Variants in IL23R observed in about 807,000 individuals in gnomAD.
IL23R encodes interleukin 23 receptor.
IL23R carries 34 observed loss-of-function variants against 56.9 expected under a neutral mutation model. The ratio of observed to expected loss-of-function variants is 0.60; its 90% confidence interval spans 0.45 to 0.80. IL23R has a LOEUF of 0.80. IL23R is among the 30% of genes least tolerant of loss of function. The pLI, the probability that IL23R is intolerant of heterozygous loss-of-function variation, is 0.00. For missense variants in IL23R, 635 were observed against 730.0 expected (o/e 0.87, Z 1.50); for synonymous variants, 230 against 249.2 (o/e 0.92, Z 0.73).
At chr1:67,252,265 A>G (rs1177150958) in intron 9 of IL23R, among the ~76,000 whole-genome samples, 20 of 152,012 alleles carry the variant, frequency 1.3e-4, no homozygotes, top group Admixed American at 1.2e-3. Context: ...GAAAAATGAA[A>G]CAAAGGTGTA....
the IL23R span, among the ~76,000 whole-genome samples, chr1:67,265,657 A>G: frequency 2.0e-5 from 3 of 152,192 alleles, no homozygotes; most frequent in Non-Finnish European, 4.4e-5. Flanking sequence ...ATGTTTATAC[A>G]CATATAAGAA....
At chr1:67,214,923 C>A (rs913561482) in intron 6 of IL23R, among the ~76,000 whole-genome samples, 1 of 152,192 alleles carries the variant, frequency 6.6e-6, no homozygotes, top group African/African-American at 2.4e-5. Context: ...ACTTAGAAAG[C>A]GATGTTATTC....
At chr1:67,207,102 A>G in intron 6 of IL23R, 47 bp downstream of exon 6, 1 of 1,587,186 alleles carries the variant, frequency 6.3e-7, no homozygotes, top group Non-Finnish European at 8.7e-7. Flanking sequence ...GAATGATTTA[A>G]AAGCCAACCA....
At chr1:67,213,947 T>C (rs1037066805) in intron 6 of IL23R, among the ~76,000 whole-genome samples, 2 of 152,212 alleles carry the variant, frequency 1.3e-5, no homozygotes, top group African/African-American at 4.8e-5. Flanking sequence ...CTGAATTCCC[T>C]AGAAGTCTAG....
At chr1:67,237,280 A>C (rs1189525752) in intron 8 of IL23R, among the ~76,000 whole-genome samples, 1 of 152,182 alleles carries the variant, frequency 6.6e-6, no homozygotes, top group Non-Finnish European at 1.5e-5. Flanking sequence ...ACCTCAGGTG[A>C]TCCACCCACC....
intron 1 of IL23R, among the ~76,000 whole-genome samples, chr1:67,145,331 G>C (rs1385543908): frequency 6.6e-6 from 1 of 152,148 alleles, no homozygotes; most frequent in Non-Finnish European, 1.5e-5. Context: ...TGGGCAACAA[G>C]AGCAAAACCC....
At chr1:67,177,277 C>A (rs1647023554) in intron 3 of IL23R, among the ~76,000 whole-genome samples, 1 of 152,168 alleles carries the variant, frequency 6.6e-6, no homozygotes, top group African/African-American at 2.4e-5. Context: ...TCTCCAGCAC[C>A]TGTTGTTTCC....
intron 1 of IL23R, among the ~76,000 whole-genome samples, chr1:67,151,507 A>C (rs367979824): frequency 6.6e-6 from 1 of 152,064 alleles, no homozygotes; most frequent in African/African-American, 2.4e-5. Context: ...GGGTGTTTTC[A>C]TCATGAAGTC....
At chr1:67,225,587 T>C (rs72676088) in intron 7 of IL23R, among the ~76,000 whole-genome samples, 13,420 of 151,566 alleles carry the variant, frequency 0.089, 707 homozygotes, top group Non-Finnish European at 0.11. Flanking sequence ...CTCAGATCAC[T>C]GCAACCTCCG....
chr1:67,164,496 T>C (rs1646852478), upstream of IL23R, among the ~76,000 whole-genome samples: 1 of 151,960 alleles, frequency 6.6e-6, no homozygotes, highest in South Asian at 2.1e-4. Flanking sequence ...TACCGGGGCA[T>C]GGTGGCACAT....
Position 67,169,426 on chromosome 1 carries a change from G to A in IL23R, c.155G>A (p.Cys52Tyr). ...ATGGGTATGAATATCTCTATATATT[G>A]CCAAGCAGCAATTAAGAACTGCCAA... ...FKMGMNISIY[C>Y]QAAIKNCQPR... The change falls in exon 3 of 11, where the codon TGC (cysteine) becomes TAC (tyrosine). Residue 52 changes from cysteine (C) to tyrosine (Y), a missense_variant. Cys to Tyr is a radical substitution (Grantham distance 194, BLOSUM62 -2). Transcript: ENST00000347310. The A allele has an allele frequency of 6.2e-7, 1 of 1,613,306 alleles. No individual in the cohort carries two copies. Among genetic ancestry groups the A allele is most frequent in the South Asian group, 1.1e-5 (1 of 91,064 alleles).
rs1411491676 is a variant in IL23R, at chr1:67,259,323, T to G, written c.*195T>G. 1.7e-6 allele frequency: 1 copy of G among 597,764 alleles called. No homozygotes were observed. Among genetic ancestry groups the G allele is most frequent in the Admixed American group, 2.9e-5 (1 of 35,038 alleles). The allele number at this position is 597,764 out of a possible 1,614,324, so 37.0% of individuals were successfully genotyped here. A position where few individuals can be genotyped will look rare whatever the true frequency, so the allele number is the denominator to read the frequency against. Reference sequence around the variant, plus strand: ...TGCTGGGCCATATGATAAGCATATGTTTCAGTTCTACCAATCTTGTTTCCA... The same window carrying G: ...TGCTGGGCCATATGATAAGCATATGGTTCAGTTCTACCAATCTTGTTTCCA... On this transcript the variant is annotated 3_prime_UTR_variant, in exon 11 of 11. Coordinates refer to ENST00000347310, the MANE Select transcript of IL23R (RefSeq NM_144701.3).
chr1:67,237,065 C>T (rs538705474), intron 8 of IL23R, among the ~76,000 whole-genome samples: 17 of 152,104 alleles, frequency 1.1e-4, no homozygotes, highest in African/African-American at 2.2e-4. Context: ...TTTTTTGAGA[C>T]GAAGCCTTGT....
At chr1:67,252,120 C>T (rs765130169) in intron 9 of IL23R, among the ~76,000 whole-genome samples, 40 of 151,606 alleles carry the variant, frequency 2.6e-4, no homozygotes, top group Non-Finnish European at 5.5e-4. Flanking sequence ...TTGCTGCCTC[C>T]CAAGCCTAAT....
chr1:67,208,715 G>A (rs1468294196), intron 6 of IL23R, among the ~76,000 whole-genome samples: 1 of 152,202 alleles, frequency 6.6e-6, no homozygotes, highest in Non-Finnish European at 1.5e-5. Context: ...GGCCCTCATG[G>A]AGAACCTCTG....
intron 9 of IL23R, among the ~76,000 whole-genome samples, chr1:67,252,117 C>T (rs1354934285): frequency 6.6e-6 from 1 of 152,056 alleles, no homozygotes; most frequent in African/African-American, 2.4e-5. Flanking sequence ...ACTTTGCTGC[C>T]TCCCAAGCCT....
At chr1:67,142,783 G>A (rs1364895340) in intron 1 of IL23R, among the ~76,000 whole-genome samples, 2 of 152,118 alleles carry the variant, frequency 1.3e-5, no homozygotes, top group Non-Finnish European at 2.9e-5. Flanking sequence ...GGCCAGGCTG[G>A]TCTCGAACTC....
At chr1:67,231,122 TG>T (rs1651075879) in intron 7 of IL23R, among the ~76,000 whole-genome samples, 1 of 152,190 alleles carries the variant, frequency 6.6e-6, no homozygotes, top group South Asian at 2.1e-4. Context: ...GAAAAGTCCA[TG>T]TGTCTGCTCT....
chr1:67,191,696 T>C (rs1385269917), intron 4 of IL23R, among the ~76,000 whole-genome samples: 1 of 152,216 alleles, frequency 6.6e-6, no homozygotes, highest in Non-Finnish European at 1.5e-5. Context: ...TTTTATGTCC[T>C]CACCACTCCA....
Sources: allele counts gnomAD v4.1 joint callset (sites outside exome capture counted in the v4.1 genomes callset), GRCh38; gene constraint gnomAD v4.1.1; transcripts MANE v1.5; gene names NCBI Gene and HGNC (gene_info 2026-07-23, HGNC 2026-07-21).